CEP128: variants seen among roughly 807,000 people sequenced by gnomAD.
CEP128 encodes the protein centrosomal protein 128, also known as centrosomal protein 128kDa.
CEP128 carries 132 observed loss-of-function variants against 156.7 expected under a neutral mutation model. That is an observed-to-expected ratio of 0.84 (90% CI 0.73 to 0.97). The LOEUF is 0.97. CEP128 is among the 50% of genes least tolerant of loss of function. The pLI is 0.00. For missense variants in CEP128, 1,252 were observed against 1,281.9 expected (o/e 0.98, Z 0.36); for synonymous variants, 469 against 448.9 (o/e 1.04, Z -0.57).
chr14:80,585,227 T>A (rs1238412817), intron 19 of CEP128, among the ~76,000 whole-genome samples: 2 of 152,248 alleles, frequency 1.3e-5, no homozygotes, highest in Non-Finnish European at 2.9e-5. Flanking sequence ...CTGCTTTACA[T>A]TTCTCTGGAA....
Position 80,817,754 on chromosome 14 carries a change from G to A in CEP128, c.1209+13389C>T, listed in dbSNP as rs142102681. The stretch of plus-strand genomic sequence containing the variant: ...AAATTAGCCAGGTGTGGTGGCACGC[G>A]CCTGTAGTCCTGGCTACTCGGGAGG... On this transcript the variant is annotated intron_variant, in intron 13 of 24. Transcript: ENST00000555265. Among the ~76,000 whole-genome samples, 70 of 152,042 alleles carry A rather than the reference G, an allele frequency of 4.6e-4. No homozygotes were observed. In the East Asian group the frequency reaches 9.7e-3, roughly 21 times the overall value.
chr14:80,933,954 T>A (rs770353856), intron 2 of CEP128, among the ~76,000 whole-genome samples: 9 of 152,152 alleles, frequency 5.9e-5, no homozygotes, highest in Non-Finnish European at 1.2e-4. Context: ...TTGCAAAATA[T>A]TTGAGACTCT....
At chr14:80,861,251 G>T (rs1887499395) in intron 9 of CEP128, among the ~76,000 whole-genome samples, 1 of 151,768 alleles carries the variant, frequency 6.6e-6, no homozygotes. Context: ...ATTTACAATA[G>T]AAAGTACAAT....
intron 14 of CEP128, among the ~76,000 whole-genome samples, chr14:80,787,492 G>A (rs999469298): frequency 6.6e-6 from 1 of 151,972 alleles, no homozygotes; most frequent in African/African-American, 2.4e-5. Flanking sequence ...GAGGGCTCAT[G>A]TGATAAGATT....
At chr14:80,768,568 G>A (rs1200231074) in intron 16 of CEP128, among the ~76,000 whole-genome samples, 1 of 152,172 alleles carries the variant, frequency 6.6e-6, no homozygotes, top group Non-Finnish European at 1.5e-5. Flanking sequence ...AGGGGAAGAA[G>A]TTATGATTAA....
chr14:80,728,063 G>C (rs1898085806), intron 19 of CEP128, among the ~76,000 whole-genome samples: 1 of 152,104 alleles, frequency 6.6e-6, no homozygotes, highest in Non-Finnish European at 1.5e-5. Flanking sequence ...TATGTTCACT[G>C]CAGCACTATT....
chr14:80,702,316 T>C (rs559046334), intron 19 of CEP128, among the ~76,000 whole-genome samples: 1 of 152,304 alleles, frequency 6.6e-6, no homozygotes, highest in African/African-American at 2.4e-5. Flanking sequence ...AAATCAGATT[T>C]GTTATAGACC....
chr14:80,941,825 A>T (rs1393486481), upstream of CEP128: 1 of 152,648 alleles, frequency 6.6e-6, no homozygotes, highest in Non-Finnish European at 1.5e-5. Flanking sequence ...CTCATGATCA[A>T]GGAATTACCA....
rs2140335239 is a variant in CEP128, at chr14:80,549,593, T to A, written c.2880+9686A>T. ...AAGTTTTCCTTAGCGTCAAGATTCT[T>A]ACAAATACTTAGGAGAAGCATTGCA... On this transcript the variant is annotated intron_variant, in intron 21 of 24. Transcript: ENST00000555265. 2.0e-5 allele frequency among the ~76,000 whole-genome samples: 3 copies of A among 152,322 alleles called. No homozygotes were observed. In the South Asian group the frequency reaches 6.2e-4, roughly 32 times the overall value.
chr14:80,825,935 G>A (rs900005431), intron 13 of CEP128, among the ~76,000 whole-genome samples: 21 of 151,684 alleles, frequency 1.4e-4, no homozygotes, highest in African/African-American at 3.6e-4. Context: ...GTGAAACCCC[G>A]TCTCTACTAA....
At chr14:80,769,435 C>T (rs1447594349) in intron 16 of CEP128, among the ~76,000 whole-genome samples, 1 of 152,098 alleles carries the variant, frequency 6.6e-6, no homozygotes. Flanking sequence ...CCACTCCCCC[C>T]GCCCCACGAC....
At chr14:80,719,577 T>C (rs1242773569) in intron 19 of CEP128, among the ~76,000 whole-genome samples, 1 of 152,114 alleles carries the variant, frequency 6.6e-6, no homozygotes, top group Non-Finnish European at 1.5e-5. Flanking sequence ...TCTTAAACAA[T>C]CCCTGTGGTA....
intron 19 of CEP128, among the ~76,000 whole-genome samples, chr14:80,606,363 C>A (rs1892778399): frequency 6.6e-6 from 1 of 151,942 alleles, no homozygotes; most frequent in East Asian, 1.9e-4. Context: ...CTGGAAAATG[C>A]AAAAAATATA....
intron 19 of CEP128, among the ~76,000 whole-genome samples, chr14:80,622,529 G>A (rs61981708): frequency 2.5e-4 from 37 of 149,946 alleles, no homozygotes; most frequent in East Asian, 1.2e-3. Context: ...GCAACCTACA[G>A]AATGGGAGAA....
At chr14:80,533,187 G>A (rs957956770) in intron 21 of CEP128, among the ~76,000 whole-genome samples, 1 of 152,084 alleles carries the variant, frequency 6.6e-6, no homozygotes, top group Middle Eastern at 3.4e-3. Context: ...TAAAATTATA[G>A]GTTTTCTTAG....
chr14:80,816,314 C>T (rs1244535112), intron 13 of CEP128, among the ~76,000 whole-genome samples: 4 of 152,200 alleles, frequency 2.6e-5, no homozygotes, highest in East Asian at 3.9e-4. Flanking sequence ...ACCCACAGAG[C>T]GGCAGGCCCC....
intron 6 of CEP128, among the ~76,000 whole-genome samples, 196 bp from the exon 7 acceptor site, chr14:80,900,225 T>C (rs1032093056): frequency 6.6e-6 from 1 of 152,212 alleles, no homozygotes; most frequent in Non-Finnish European, 1.5e-5. Flanking sequence ...TATATAACAT[T>C]TATCAACACA....
At chr14:80,709,984 G>T (rs1897343933) in intron 19 of CEP128, among the ~76,000 whole-genome samples, 1 of 148,962 alleles carries the variant, frequency 6.7e-6, no homozygotes, top group Non-Finnish European at 1.5e-5. Flanking sequence ...GCCAAAAAAG[G>T]AATTGTCTTA....
intron 7 of CEP128, among the ~76,000 whole-genome samples, chr14:80,899,499 C>T (rs1883404618): frequency 6.6e-6 from 1 of 152,098 alleles, no homozygotes; most frequent in Admixed American, 6.5e-5. Flanking sequence ...AACCACTGAC[C>T]CTCAAAGATT....
Sources: allele counts gnomAD v4.1 joint callset (sites outside exome capture counted in the v4.1 genomes callset), GRCh38; gene constraint gnomAD v4.1.1; transcripts MANE v1.5; gene names NCBI Gene and HGNC (gene_info 2026-07-23, HGNC 2026-07-21).